CHCHD6: variants seen among roughly 807,000 people sequenced by gnomAD.
The protein encoded by CHCHD6 is coiled-coil-helix-coiled-coil-helix domain containing 6, also known as MICOS complex subunit MIC25.
CHCHD6 carries 28 observed loss-of-function variants against 32.3 expected under a neutral mutation model. That is an observed-to-expected ratio of 0.87 (90% CI 0.64 to 1.19). The LOEUF is 1.19. Among genes scored for constraint, CHCHD6 ranks in the 50% most tolerant of loss-of-function variants. The pLI, the probability that CHCHD6 is intolerant of heterozygous loss-of-function variation, is 0.00. For missense variants in CHCHD6, 333 were observed against 307.0 expected, an observed-to-expected ratio of 1.08 and a Z score of -0.63; for synonymous variants, 122 against 117.5, an observed-to-expected ratio of 1.04 and a Z score of -0.25.
intron 4 of CHCHD6, among the ~76,000 whole-genome samples, chr3:126,805,921 G>T (rs1048454005): frequency 6.6e-6 from 1 of 152,144 alleles, no homozygotes; most frequent in Non-Finnish European, 1.5e-5. Flanking sequence ...ATTGATCTTT[G>T]ACAAACCTGA....
intron 5 of CHCHD6, among the ~76,000 whole-genome samples, chr3:126,880,416 A>G (rs138937734): frequency 6.6e-6 from 1 of 152,274 alleles, no homozygotes; most frequent in East Asian, 1.9e-4. Flanking sequence ...AGAAAACAAG[A>G]TGCAAAATGC....
intron 4 of CHCHD6, among the ~76,000 whole-genome samples, chr3:126,745,417 A>G (rs1401575727): frequency 6.6e-6 from 1 of 152,186 alleles, no homozygotes; most frequent in Non-Finnish European, 1.5e-5. Context: ...TGCTTTCATA[A>G]TATGTGAGCA....
intron 1 of CHCHD6, among the ~76,000 whole-genome samples, chr3:126,722,710 T>G (rs1335597897): frequency 6.6e-6 from 1 of 152,228 alleles, no homozygotes; most frequent in Non-Finnish European, 1.5e-5. Flanking sequence ...AAGTTCCTTA[T>G]CAGGTATATG....
intron 1 of CHCHD6, among the ~76,000 whole-genome samples, chr3:126,723,901 A>G (rs773162475): frequency 1.2e-4 from 18 of 152,180 alleles, no homozygotes; most frequent in Non-Finnish European, 2.4e-4. Context: ...CCTTGCACAT[A>G]TTAGGCACTT....
chr3:126,766,405 G>T, intron 4 of CHCHD6: 1 of 571,838 alleles, frequency 1.7e-6, no homozygotes, highest in South Asian at 1.7e-5. Context: ...GCCACGAGAG[G>T]TGTAGAGTCG....
chr3:126,819,354 C>T (rs1940055863), intron 4 of CHCHD6, among the ~76,000 whole-genome samples: 1 of 152,178 alleles, frequency 6.6e-6, no homozygotes, highest in Non-Finnish European at 1.5e-5. Context: ...TGTCTAATAT[C>T]AGAGTGCCTT....
intron 5 of CHCHD6, among the ~76,000 whole-genome samples, chr3:126,902,924 A>C (rs1170589945): frequency 6.6e-6 from 1 of 152,102 alleles, no homozygotes; most frequent in Non-Finnish European, 1.5e-5. Context: ...CCATCCTTTG[A>C]GTAGCAAGGC....
At chr3:126,834,442 G>A (rs1940772756) in intron 4 of CHCHD6, among the ~76,000 whole-genome samples, 1 of 152,160 alleles carries the variant, frequency 6.6e-6, no homozygotes, top group South Asian at 2.1e-4. Context: ...CATAAGCAGA[G>A]GGAATTAATT....
chr3:126,773,419 C>T (rs1033967438), intron 4 of CHCHD6, among the ~76,000 whole-genome samples: 4 of 152,120 alleles, frequency 2.6e-5, no homozygotes, highest in South Asian at 4.1e-4. Context: ...CAGAGTCTCA[C>T]GTTGGGAATG....
At chr3:126,736,982 A>G (rs1053504869) in intron 4 of CHCHD6, among the ~76,000 whole-genome samples, 9 of 152,210 alleles carry the variant, frequency 5.9e-5, no homozygotes, top group African/African-American at 2.2e-4. Context: ...GCTTCCTGAC[A>G]CATATTATTA....
At chr3:126,912,966 T>TCTGCCC (rs55998717) in intron 5 of CHCHD6, among the ~76,000 whole-genome samples, 148,793 of 152,152 alleles carry the variant, frequency 0.98, 72,849 homozygotes, top group East Asian at 1. Flanking sequence ...CCTGGGTGGC[T>TCTGCCC]CTGTGCACCT....
At chr3:126,877,130 C>T (rs1200053486) in intron 5 of CHCHD6, among the ~76,000 whole-genome samples, 2 of 152,148 alleles carry the variant, frequency 1.3e-5, no homozygotes, top group East Asian at 1.9e-4. Flanking sequence ...GAAAGAAACT[C>T]AGGAAGGAGA....
At chr3:126,848,292 T>A (rs901675810) in intron 4 of CHCHD6, among the ~76,000 whole-genome samples, 2 of 152,234 alleles carry the variant, frequency 1.3e-5, no homozygotes, top group African/African-American at 4.8e-5. Context: ...AGTTTGATAA[T>A]TTTTCCCTTG....
intron 4 of CHCHD6, among the ~76,000 whole-genome samples, chr3:126,822,913 CT>C (rs575950734): frequency 1.4e-4 from 20 of 147,034 alleles, no homozygotes; most frequent in East Asian, 2.0e-4. Context: ...ATATTCATCC[CT>C]TTTTTTTTTG....
intron 4 of CHCHD6, among the ~76,000 whole-genome samples, chr3:126,837,764 A>T (rs1367115432): frequency 6.6e-6 from 1 of 152,174 alleles, no homozygotes; most frequent in African/African-American, 2.4e-5. Flanking sequence ...GCCCTGACCA[A>T]TATCTAGGTG....
chr3:126,885,979 C>T (rs538976798), intron 5 of CHCHD6, among the ~76,000 whole-genome samples: 5 of 152,236 alleles, frequency 3.3e-5, no homozygotes, highest in East Asian at 1.9e-4. Context: ...TGAGCCGGAA[C>T]GGGCACGGGC....
intron 4 of CHCHD6, among the ~76,000 whole-genome samples, chr3:126,788,521 C>G (rs1159292278): frequency 6.6e-6 from 1 of 152,130 alleles, no homozygotes; most frequent in African/African-American, 2.4e-5. Flanking sequence ...TTGGTCTATT[C>G]AGGGATTCAG....
chr3:126,960,365 C>G lies in CHCHD6; in HGVS notation c.*164C>G. ...TAGGAAACAAAGTATGCGCTACTGT[C>G]TGAAAACAAATAAAGCAGATGCCTT... On this transcript the variant is annotated 3_prime_UTR_variant, in exon 8 of 8. Transcript: ENST00000290913. The G allele has an allele frequency of 1.3e-6, 1 of 754,760 alleles. No homozygotes were observed. Among genetic ancestry groups the G allele is most frequent in the Non-Finnish European group, 2.2e-6 (1 of 454,346 alleles). The allele number at this position is 754,760 out of a possible 1,614,324, so 46.8% of individuals were successfully genotyped here. A position where few individuals can be genotyped will look rare whatever the true frequency, so the allele number is the denominator to read the frequency against.
intron 6 of CHCHD6, among the ~76,000 whole-genome samples, chr3:126,930,785 G>A (rs2107598375): frequency 6.6e-6 from 1 of 152,316 alleles, no homozygotes; most frequent in East Asian, 1.9e-4. Context: ...GAACTCCGAA[G>A]CTCTTATCTC....
Sources: gnomAD v4.1 joint callset for allele counts (sites outside exome capture counted in the v4.1 genomes callset) on GRCh38, gnomAD v4.1.1 for gene constraint, MANE v1.5 for transcripts, NCBI Gene and HGNC (gene_info 2026-07-23, HGNC 2026-07-21) for gene names.